Variants in DCAF17 observed in about 807,000 individuals in gnomAD.
DCAF17 encodes the protein DDB1- and CUL4-associated factor 17.
Under a neutral mutation model 66.0 loss-of-function variants are expected in DCAF17, and 48 were observed. That is an observed-to-expected ratio of 0.73 (90% CI 0.58 to 0.92). The LOEUF is 0.92. DCAF17 is among the 40% of genes least tolerant of loss of function. DCAF17 has a pLI of 0.00. For synonymous variants in DCAF17, 206 were observed against 214.6 expected, an observed-to-expected ratio of 0.96 and a Z score of 0.35; for missense variants, 562 against 622.8, an observed-to-expected ratio of 0.90 and a Z score of 1.04.
At position 171,484,551 on chromosome 2, in the gene DCAF17, TTAAC is replaced by T. The variant is rs779410799; in HGVS notation, c.*3440_*3443del. 8.8e-6 allele frequency: 4 copies of T among 452,420 alleles called. No homozygotes were observed. Among genetic ancestry groups the T allele is most frequent in the South Asian group, 1.6e-5 (1 of 63,610 alleles). The allele number at this position is 452,420 out of a possible 1,614,324, so 28.0% of individuals were successfully genotyped here. On this transcript the variant is annotated 3_prime_UTR_variant, in exon 14 of 14. Coordinates refer to ENST00000375255, the MANE Select transcript of DCAF17 (RefSeq NM_025000.4). ...CCCCTAGTACTTCAACTGCAGATTA[TTAAC>T]TAGAGTTTAGTATTTATTTAGTTTT...
Position 171,476,988 on chromosome 2 carries a change from T to C in DCAF17, c.1182+38T>C, listed in dbSNP as rs771617372. 2.8e-6 allele frequency: 4 copies of C among 1,435,882 alleles called. No individual in the cohort carries two copies. The South Asian group carries it at 4.6e-5, about 16-fold the overall frequency. The allele number at this position is 1,435,882 out of a possible 1,614,324, so 88.9% of individuals were successfully genotyped here. A position where few individuals can be genotyped will look rare whatever the true frequency, so the allele number is the denominator to read the frequency against. ...TACTTTAAAATCCTTTATATATCAT[T>C]GTCTTTCTATATAAGACTATAATAT... is the stretch of plus-strand genomic sequence containing the variant. On this transcript the variant is annotated intron_variant, in intron 11 of 13. Transcript: ENST00000375255.
intron 8 of DCAF17, among the ~76,000 whole-genome samples, chr2:171,461,182 T>C (rs1574369687): frequency 6.6e-6 from 1 of 152,196 alleles, no homozygotes; most frequent in African/African-American, 2.4e-5. Context: ...TGGTGCCTCA[T>C]GCCTGTAATC....
In DCAF17 at chr2:171,484,665, C is replaced by T. The variant is rs947332859; in HGVS notation, c.*3551C>T. The T allele has an allele frequency of 8.8e-6, 4 of 453,858 alleles. No homozygotes were observed. The highest frequency in any genetic ancestry group is 4.0e-5 in the African/African-American group (2 of 49,972). 28.1% of individuals were successfully genotyped at this position (453,858 alleles called of 1,614,324 possible). A position where few individuals can be genotyped will look rare whatever the true frequency, so the allele number is the denominator to read the frequency against. The stretch of plus-strand genomic sequence containing the variant: ...TACTGAGTTCTTGCAGACATATACA[C>T]CTGTGTAACCCAAACCCTTTCCAAA... On this transcript the variant is annotated 3_prime_UTR_variant, in exon 14 of 14. Transcript: ENST00000375255.
intron 3 of DCAF17, among the ~76,000 whole-genome samples, chr2:171,448,374 A>G (rs1190112051): frequency 1.3e-5 from 2 of 151,886 alleles, no homozygotes; most frequent in African/African-American, 4.8e-5. Context: ...CAGAGGTAGC[A>G]TCATTGTCTT....
chr2:171,478,270 TTTA>T (rs1330661493), intron 12 of DCAF17, among the ~76,000 whole-genome samples, 200 bp downstream of exon 12: 1 of 152,192 alleles, frequency 6.6e-6, no homozygotes. Flanking sequence ...TTCTTAAAGT[TTTA>T]TTTGCAGAAA....
chr2:171,446,620 C>G (rs944997250), intron 3 of DCAF17, among the ~76,000 whole-genome samples: 1 of 151,890 alleles, frequency 6.6e-6, no homozygotes, highest in Non-Finnish European at 1.5e-5. Context: ...TCAGGAAATT[C>G]TCTAAATAAG....
intron 3 of DCAF17, among the ~76,000 whole-genome samples, chr2:171,448,280 C>G (rs942268974): frequency 6.6e-6 from 1 of 152,140 alleles, no homozygotes; most frequent in Non-Finnish European, 1.5e-5. Context: ...TCCAGGCACT[C>G]ACCACCATGC....
chr2:171,459,601 A>G (rs938143511), intron 8 of DCAF17, among the ~76,000 whole-genome samples: 3 of 152,240 alleles, frequency 2.0e-5, no homozygotes, highest in Non-Finnish European at 4.4e-5. Context: ...GTGAAATGCC[A>G]AAGGATTTTC....
Position 171,434,266 on chromosome 2 carries a change from T to A in DCAF17, c.-312T>A. The A allele has an allele frequency of 1.9e-6, 1 of 527,422 alleles. No homozygotes were observed. Among genetic ancestry groups the A allele is most frequent in the Admixed American group, 2.2e-5 (1 of 44,474 alleles). 32.7% of individuals were successfully genotyped at this position (527,422 alleles called of 1,614,324 possible). A position where few individuals can be genotyped will look rare whatever the true frequency, so the allele number is the denominator to read the frequency against. ...CTCACGAGGCACTAGGAACTACATT[T>A]CCCGGTGAGAGAGCGGCTCCGGCCG... On this transcript the variant is annotated 5_prime_UTR_variant, in exon 1 of 14. Coordinates refer to ENST00000375255, the MANE Select transcript of DCAF17 (RefSeq NM_025000.4).
Position 171,449,949 on chromosome 2 carries a change from GC to G in DCAF17, c.532del (p.Arg178GlyfsTer24). ...KSAQNRGSAVARQAGIQQHVL... is the reference protein window; with the variant it reads ...KSAQNRGSAVXRQAGIQQHVL... ...AGCTCAGAACAGAGGCTCAGCAGTGGCCCGGCAGGTATACATATTTAAACAT... is the reference window on the plus strand; with the variant it reads ...AGCTCAGAACAGAGGCTCAGCAGTGGCCGGCAGGTATACATATTTAAACAT... On this transcript the variant is annotated frameshift_variant, in exon 5 of 14. Coordinates refer to ENST00000375255, the MANE Select transcript of DCAF17 (RefSeq NM_025000.4). LOFTEE classifies it high-confidence loss of function. The G allele has an allele frequency of 6.2e-7, 1 of 1,613,088 alleles. No homozygotes were observed. Among genetic ancestry groups the G allele is most frequent in the Non-Finnish European group, 8.5e-7 (1 of 1,179,192 alleles).
intron 6 of DCAF17, among the ~76,000 whole-genome samples, chr2:171,457,405 G>A (rs1189897171): frequency 1.3e-5 from 2 of 152,174 alleles, no homozygotes; most frequent in East Asian, 3.9e-4. Context: ...TTAAGCTGCT[G>A]AATTGTATAA....
chr2:171,475,318 TTAAA>T (rs1166310674), intron 10 of DCAF17, among the ~76,000 whole-genome samples: 2 of 152,218 alleles, frequency 1.3e-5, no homozygotes, highest in East Asian at 3.8e-4. Flanking sequence ...TTAGGGCAAC[TTAAA>T]TAAATTATTT....
intron 3 of DCAF17, among the ~76,000 whole-genome samples, chr2:171,446,212 A>G (rs952827960): frequency 6.6e-6 from 1 of 152,188 alleles, no homozygotes; most frequent in African/African-American, 2.4e-5. Context: ...CAAAGGAATT[A>G]ATTTTAGCAA....
In DCAF17 at chr2:171,443,500, C is replaced by G. The variant is rs1440440381; in HGVS notation, c.231-23C>G. On this transcript the variant is annotated intron_variant, in intron 2 of 13. Coordinates refer to ENST00000375255, the MANE Select transcript of DCAF17 (RefSeq NM_025000.4). The stretch of plus-strand genomic sequence containing the variant: ...TGTCTTGGTTATCAAGAATAATAAT[C>G]ATTTATTTTTCTTTTTTCCCAGTGT... 4 of 1,575,826 alleles carry G rather than the reference C, an allele frequency of 2.5e-6. No homozygotes were observed. In the Admixed American group the frequency reaches 6.7e-5, roughly 26 times the overall value.
At chr2:171,449,156 G>A (rs1021604828) in intron 4 of DCAF17, among the ~76,000 whole-genome samples, 2 of 152,048 alleles carry the variant, frequency 1.3e-5, no homozygotes, top group Non-Finnish European at 2.9e-5. Flanking sequence ...TTTTGGGTGT[G>A]CACCCCATGC....
At chr2:171,448,891 C>CTT in intron 4 of DCAF17, 74 bp downstream of exon 4, 1 of 1,380,726 alleles carries the variant, frequency 7.2e-7, no homozygotes, top group East Asian at 2.3e-5. Context: ...AATTTCAAGC[C>CTT]TTTTTTCCCT....
chr2:171,474,181 C>A, intron 10 of DCAF17: 1 of 575,496 alleles, frequency 1.7e-6, no homozygotes, highest in Non-Finnish European at 3.1e-6. Context: ...AATTTGAAAA[C>A]GTTATTTGAT....
In DCAF17 at chr2:171,434,657, T is replaced by C; in HGVS notation, c.80T>C (p.Val27Ala). 6.5e-7 allele frequency: 1 copy of C among 1,535,206 alleles called. No homozygotes were observed. Among genetic ancestry groups the C allele is most frequent in the Non-Finnish European group, 8.7e-7 (1 of 1,149,164 alleles). Residue 27 changes from valine (V) to alanine (A), a missense_variant, in exon 1 of 14, where the codon GTG (valine) becomes GCG (alanine). By Grantham distance (64) the Val-to-Ala change is moderately conservative. This residue lies in a region of DCAF17 where 348 missense variants were observed against 355.9 expected (regional missense o/e 0.98). Coordinates refer to ENST00000375255, the MANE Select transcript of DCAF17 (RefSeq NM_025000.4). Reference protein sequence around the residue: ...ALGCFSRDAGVVQRTNLGILR... With the variant: ...ALGCFSRDAGAVQRTNLGILR... The stretch of plus-strand genomic sequence containing the variant: ...GGCTGCTTCTCGCGCGACGCAGGCG[T>C]GGTGCAGAGGACCAACCTGGGCATC...
chr2:171,438,247 A>C (rs947264320), intron 2 of DCAF17, among the ~76,000 whole-genome samples: 1 of 152,162 alleles, frequency 6.6e-6, no homozygotes, highest in Non-Finnish European at 1.5e-5. Context: ...TAGTCTTTTA[A>C]ATTTGTTAAG....
Sources: gnomAD v4.1 joint callset for allele counts (sites outside exome capture counted in the v4.1 genomes callset) on GRCh38, gnomAD v4.1.1 for gene constraint, gnomAD v4.1.1 regional missense constraint, MANE v1.5 for transcripts, NCBI Gene and HGNC (gene_info 2026-07-23, HGNC 2026-07-21) for gene names.